CREB5: variants seen among roughly 807,000 people sequenced by gnomAD.
CREB5 encodes cAMP responsive element binding protein 5.
Under a neutral mutation model 57.1 loss-of-function variants are expected in CREB5, and 19 were observed. The observed-to-expected ratio is 0.33, with a 90% confidence interval of 0.23 to 0.49. The LOEUF is 0.49. Among genes scored for constraint, CREB5 ranks in the 20% least tolerant of loss-of-function variants. The pLI, the probability that CREB5 is intolerant of heterozygous loss-of-function variation, is 0.99. For synonymous variants in CREB5, 238 were observed against 238.3 expected (o/e 1.00, Z 0.01); for missense variants, 579 against 671.6 (o/e 0.86, Z 1.52).
At chr7:28,534,642 C>T (rs1337590138) in intron 4 of CREB5, among the ~76,000 whole-genome samples, 5 of 152,068 alleles carry the variant, frequency 3.3e-5, no homozygotes, top group African/African-American at 4.8e-5. Flanking sequence ...CTCTTCATCT[C>T]GACTTCCTCT....
chr7:28,637,463 A>G (rs1798469360), intron 5 of CREB5, among the ~76,000 whole-genome samples: 1 of 152,222 alleles, frequency 6.6e-6, no homozygotes, highest in African/African-American at 2.4e-5. Context: ...ATGGACTTAC[A>G]CTTTGTGATG....
chr7:28,566,881 G>A (rs1022902718), intron 4 of CREB5, among the ~76,000 whole-genome samples: 1 of 152,182 alleles, frequency 6.6e-6, no homozygotes, highest in African/African-American at 2.4e-5. Context: ...ATGAAGAGAT[G>A]CCTTTAAAGT....
intron 4 of CREB5, among the ~76,000 whole-genome samples, chr7:28,539,856 G>A (rs1021303832): frequency 6.6e-6 from 1 of 152,288 alleles, no homozygotes; most frequent in South Asian, 2.1e-4. Context: ...CATGGTATCA[G>A]TTTTGAAAAT....
chr7:28,627,463 G>A (rs565112462), intron 5 of CREB5, among the ~76,000 whole-genome samples: 3 of 152,036 alleles, frequency 2.0e-5, no homozygotes, highest in African/African-American at 7.3e-5. Context: ...GTGGAGCCCA[G>A]GCATCAGTAT....
intron 5 of CREB5, among the ~76,000 whole-genome samples, chr7:28,588,260 A>G (rs545529257): frequency 2.6e-5 from 4 of 152,312 alleles, no homozygotes; most frequent in African/African-American, 9.6e-5. Context: ...GTAAAGTCAG[A>G]TCTTAACAAA....
intron 1 of CREB5, among the ~76,000 whole-genome samples, chr7:28,299,984 C>T (rs568267579): frequency 8.7e-4 from 133 of 152,174 alleles, no homozygotes; most frequent in African/African-American, 3.0e-3. Context: ...TCTCCGGATC[C>T]ATTTTTGTGT....
chr7:28,770,252 G>T (rs557008427), intron 7 of CREB5, among the ~76,000 whole-genome samples: 15 of 152,316 alleles, frequency 9.8e-5, no homozygotes, highest in African/African-American at 3.6e-4. Context: ...GAGCAGATCT[G>T]TGGCCACTTG....
intron 2 of CREB5, among the ~76,000 whole-genome samples, chr7:28,493,900 C>G (rs1791909954): frequency 6.6e-6 from 1 of 152,106 alleles, no homozygotes; most frequent in Non-Finnish European, 1.5e-5. Flanking sequence ...TTAAAAATAT[C>G]AGATAATAGG....
At chr7:28,551,911 C>CT in intron 4 of CREB5, among the ~76,000 whole-genome samples, 1 of 132,264 alleles carries the variant, frequency 7.6e-6, no homozygotes, top group Non-Finnish European at 1.7e-5. Flanking sequence ...CTTTTCTTTT[C>CT]TTTCTCTTTT....
intron 4 of CREB5, among the ~76,000 whole-genome samples, chr7:28,556,897 C>A (rs34007063): frequency 0.046 from 7,005 of 152,244 alleles, 205 homozygotes; most frequent in South Asian, 0.099. Flanking sequence ...GACCAGGAGC[C>A]ACAGCTCTGG....
At chr7:28,323,646 ACCC>A (rs1785529258) in intron 1 of CREB5, among the ~76,000 whole-genome samples, 2 of 152,120 alleles carry the variant, frequency 1.3e-5, no homozygotes, top group South Asian at 4.2e-4. Flanking sequence ...AGGGCAGTGA[ACCC>A]CAGCCTTTTG....
At chr7:28,763,823 A>T (rs951952429) in intron 7 of CREB5, among the ~76,000 whole-genome samples, 1 of 134,038 alleles carries the variant, frequency 7.5e-6, no homozygotes, top group Non-Finnish European at 1.7e-5. Context: ...TTTTTTTGAG[A>T]CAGGGTCTTG....
chr7:28,444,395 C>G (rs1789332325), intron 1 of CREB5, among the ~76,000 whole-genome samples: 1 of 152,132 alleles, frequency 6.6e-6, no homozygotes. Context: ...TGGCCCAACT[C>G]AGGAAGCTAG....
At chr7:28,747,750 C>A (rs192281070) in intron 7 of CREB5, among the ~76,000 whole-genome samples, 1 of 152,322 alleles carries the variant, frequency 6.6e-6, no homozygotes, top group East Asian at 1.9e-4. Flanking sequence ...GATGGCAAAG[C>A]GTATCCTGAC....
chr7:28,661,566 T>C (rs1799614150), intron 5 of CREB5, among the ~76,000 whole-genome samples: 1 of 152,214 alleles, frequency 6.6e-6, no homozygotes, highest in African/African-American at 2.4e-5. Context: ...GCATGTCTGC[T>C]AGCATAAATT....
At chr7:28,402,461 G>A (rs1189891157) in intron 1 of CREB5, among the ~76,000 whole-genome samples, 1 of 152,136 alleles carries the variant, frequency 6.6e-6, no homozygotes, top group Non-Finnish European at 1.5e-5. Context: ...GCATGGTACT[G>A]GTGCCAAAAC....
chr7:28,597,401 C>T (rs971774445), intron 5 of CREB5, among the ~76,000 whole-genome samples: 1 of 152,140 alleles, frequency 6.6e-6, no homozygotes, highest in African/African-American at 2.4e-5. Context: ...TTCAGCTGTC[C>T]ACTGGGGACC....
Position 28,741,072 on chromosome 7 carries a change from GT to G in CREB5, c.702+16742del, listed in dbSNP as rs1448722382. Reference sequence around the variant, plus strand: ...TAAAGGTTGTTGAGTTACCAAAAATGTTGTGGAATTGAGCACAGTTCAGGAG... The same window carrying G: ...TAAAGGTTGTTGAGTTACCAAAAATGTGTGGAATTGAGCACAGTTCAGGAG... On this transcript the variant is annotated intron_variant, in intron 7 of 10. Transcript: ENST00000357727. Among the ~76,000 whole-genome samples the G allele has an allele frequency of 1.3e-4, 19 of 149,204 alleles. No individual in the cohort carries two copies. In the East Asian group the frequency reaches 3.4e-3, roughly 26 times the overall value.
chr7:28,337,712 A>T (rs2127988151), intron 1 of CREB5, among the ~76,000 whole-genome samples: 1 of 152,170 alleles, frequency 6.6e-6, no homozygotes, highest in East Asian at 1.9e-4. Flanking sequence ...GTTATTATTG[A>T]TAAGTAAAAA....
Sources: gnomAD v4.1 joint callset for allele counts (sites outside exome capture counted in the v4.1 genomes callset) on GRCh38, gnomAD v4.1.1 for gene constraint, MANE v1.5 for transcripts, NCBI Gene and HGNC (gene_info 2026-07-23, HGNC 2026-07-21) for gene names.